PAX7: variants seen among roughly 807,000 people sequenced by gnomAD.
PAX7 encodes paired box 7.
In PAX7, 18 loss-of-function variants were observed where a neutral mutation model predicts 50.7. The ratio of observed to expected loss-of-function variants is 0.36; its 90% confidence interval spans 0.25 to 0.53. The LOEUF (loss-of-function observed/expected upper bound fraction) is 0.53. PAX7 is among the 20% of genes least tolerant of loss of function. The pLI is 0.93. For synonymous variants in PAX7, 310 were observed against 290.4 expected, an observed-to-expected ratio of 1.07 and a Z score of -0.69; for missense variants, 644 against 702.9, an observed-to-expected ratio of 0.92 and a Z score of 0.95.
At chr1:18,691,638 A>C in intron 4 of PAX7, 116 bp from the exon 5 acceptor site, 4 of 792,826 alleles carry the variant, frequency 5.0e-6, no homozygotes, top group Non-Finnish European at 8.2e-6. Flanking sequence ...GTCTGATCGA[A>C]GTGCAGTCAT....
intron 4 of PAX7, among the ~76,000 whole-genome samples, chr1:18,690,400 G>A (rs1226833795): frequency 6.6e-6 from 1 of 152,230 alleles, no homozygotes; most frequent in Non-Finnish European, 1.5e-5. Flanking sequence ...CTCCCCAGGG[G>A]CTGCTGAGGG....
At chr1:18,678,059 G>A (rs113770000) in intron 4 of PAX7, among the ~76,000 whole-genome samples, 3,368 of 146,226 alleles carry the variant, frequency 0.023, 59 homozygotes, top group Non-Finnish European at 0.034. Context: ...TCCAGCCTGG[G>A]TGACAGAGCG....
At chr1:18,650,214 G>A (rs933552604) in intron 4 of PAX7, among the ~76,000 whole-genome samples, 1 of 152,212 alleles carries the variant, frequency 6.6e-6, no homozygotes, top group African/African-American at 2.4e-5. Context: ...GAGATAAGGT[G>A]ATAACTGCTT....
chr1:18,647,963 A>G (rs2088372248), intron 4 of PAX7, among the ~76,000 whole-genome samples: 1 of 152,194 alleles, frequency 6.6e-6, no homozygotes, highest in Admixed American at 6.5e-5. Context: ...GGTCAAGAGA[A>G]GAAGGTAGAA....
chr1:18,716,289 C>T (rs554105010), intron 7 of PAX7, among the ~76,000 whole-genome samples: 1 of 152,184 alleles, frequency 6.6e-6, no homozygotes, highest in African/African-American at 2.4e-5. Context: ...GCACCTCGGC[C>T]TTGTCACTCC....
At chr1:18,649,262 G>C (rs1398757607) in intron 4 of PAX7, among the ~76,000 whole-genome samples, 2 of 152,138 alleles carry the variant, frequency 1.3e-5, no homozygotes, top group Non-Finnish European at 2.9e-5. Flanking sequence ...AATTAGGAAG[G>C]CATGGGATAA....
At chr1:18,641,784 A>G (rs567767943) in intron 4 of PAX7, among the ~76,000 whole-genome samples, 1 of 152,338 alleles carries the variant, frequency 6.6e-6, no homozygotes, top group African/African-American at 2.4e-5. Flanking sequence ...GAAGTTATTT[A>G]GATATTAATA....
At chr1:18,662,109 C>A (rs2088608221) in intron 4 of PAX7, among the ~76,000 whole-genome samples, 1 of 100,248 alleles carries the variant, frequency 1.0e-5, no homozygotes, top group South Asian at 3.8e-4. Flanking sequence ...TGGTGCTTCG[C>A]TGGGGGTAGG....
intron 4 of PAX7, among the ~76,000 whole-genome samples, chr1:18,664,469 G>A (rs1160468545): frequency 1.3e-5 from 2 of 152,172 alleles, no homozygotes; most frequent in East Asian, 1.9e-4. Context: ...GGAGGAGGGC[G>A]AGGCAGCCAC....
chr1:18,638,863 A>G (rs948836956), intron 4 of PAX7, among the ~76,000 whole-genome samples: 3 of 152,148 alleles, frequency 2.0e-5, no homozygotes, highest in African/African-American at 7.2e-5. Flanking sequence ...CATCAGTTTC[A>G]TGTCCAAGTT....
At chr1:18,641,359 C>A (rs973597461) in intron 4 of PAX7, among the ~76,000 whole-genome samples, 17 of 152,178 alleles carry the variant, frequency 1.1e-4, no homozygotes, top group Admixed American at 6.5e-4. Flanking sequence ...CTGGGAGCTG[C>A]GGAAGAGCTG....
chr1:18,700,806 A>G lies in PAX7; in HGVS notation c.940A>G (p.Thr314Ala). Residue 314 changes from threonine (T) to alanine (A), a missense_variant, in exon 6 of 9, where the codon ACC becomes GCC. Transcript: ENST00000420770. This position sits in a 1 kb window ranked among gnomAD's most constrained non-coding sequence, Gnocchi z 4.8. ...QLPDSTYPTT[T>A]ISQDGGSTVH... ...GCCGGACTCCACCTACCCCACCACC[A>G]CCATCTCCCAAGGTGAGTGTCTTGG... The G allele has an allele frequency of 6.6e-7, 1 of 1,524,886 alleles. No individual in the cohort carries two copies. Among genetic ancestry groups the G allele is most frequent in the Non-Finnish European group, 8.8e-7 (1 of 1,133,908 alleles). The allele number at this position is 1,524,886 out of a possible 1,614,324, so 94.5% of individuals were successfully genotyped here. A position where few individuals can be genotyped will look rare whatever the true frequency, so the allele number is the denominator to read the frequency against.
chr1:18,721,667 T>C (rs1292902045), intron 7 of PAX7, among the ~76,000 whole-genome samples: 1 of 152,178 alleles, frequency 6.6e-6, no homozygotes, highest in Non-Finnish European at 1.5e-5. Context: ...CCACACACTC[T>C]TGATACCAGA....
chr1:18,708,047 T>C (rs188784106), intron 7 of PAX7, among the ~76,000 whole-genome samples: 1 of 152,120 alleles, frequency 6.6e-6, no homozygotes, highest in East Asian at 1.9e-4. Context: ...CCCAGCCTAA[T>C]AGGATTAGGG....
chr1:18,727,371 T>TCTC (rs2089587489), intron 7 of PAX7, among the ~76,000 whole-genome samples: 5 of 133,992 alleles, frequency 3.7e-5, no homozygotes, highest in African/African-American at 1.1e-4. Flanking sequence ...CTCTCTCTCA[T>TCTC]ACACACACAC....
In PAX7 at chr1:18,735,597, C is replaced by T. The variant is rs769093867; in HGVS notation, c.1156-35C>T. On this transcript the variant is annotated intron_variant, in intron 7 of 8. Transcript: ENST00000420770. The surrounding 1 kb of genome is among the most constrained non-coding windows in gnomAD (Gnocchi z 4.0). ...TGTGCTCGTGTCTCTGGGGTCTGTC[C>T]GGTGAGCCTGGCACTAATGGCCTTT... 4.4e-5 allele frequency: 70 copies of T among 1,585,744 alleles called. No homozygotes were observed. Among genetic ancestry groups the T allele is most frequent in the South Asian group, 1.3e-4 (11 of 86,510 alleles).
rs2088116291 is a variant in PAX7 at position 18,634,673 on chromosome 1, C to T, written c.321+135C>T. The T allele has an allele frequency of 1.5e-6, 1 of 675,452 alleles. No homozygotes were observed. The highest frequency in any genetic ancestry group is 1.8e-5 in the African/African-American group (1 of 55,482). The allele number at this position is 675,452 out of a possible 1,614,324, so 41.8% of individuals were successfully genotyped here. A position where few individuals can be genotyped will look rare whatever the true frequency, so the allele number is the denominator to read the frequency against. ...GAGGGTGTCTTCTACTCCCAGATGT[C>T]CTCCCATTGTTTTCCTATTATTTGA... On this transcript the variant is annotated intron_variant, in intron 2 of 8. Transcript: ENST00000420770. This position sits in a 1 kb window ranked among gnomAD's most constrained non-coding sequence, Gnocchi z 4.0.
chr1:18,730,784 C>A (rs1402760250), intron 7 of PAX7, among the ~76,000 whole-genome samples: 1 of 152,110 alleles, frequency 6.6e-6, no homozygotes, highest in African/African-American at 2.4e-5. Flanking sequence ...GGAAGGGGGG[C>A]CCCCACCCCC....
intron 7 of PAX7, among the ~76,000 whole-genome samples, chr1:18,710,871 C>G (rs776028294): frequency 2.6e-5 from 4 of 152,184 alleles, no homozygotes; most frequent in African/African-American, 4.8e-5. Flanking sequence ...AAAGGAGACC[C>G]TTCTCTCGCA....
Sources: allele counts gnomAD v4.1 joint callset (sites outside exome capture counted in the v4.1 genomes callset), GRCh38; gene constraint gnomAD v4.1.1; non-coding constraint Gnocchi (gnomAD v3.1); transcripts MANE v1.5; gene names NCBI Gene and HGNC (gene_info 2026-07-23, HGNC 2026-07-21).